The following IWS1 variants were observed in gnomAD, a reference collection of about 807,000 sequenced individuals.
The protein encoded by IWS1 is protein IWS1 homolog.
IWS1 carries 27 observed loss-of-function variants against 86.7 expected under a neutral mutation model. That is an observed-to-expected ratio of 0.31 (90% CI 0.23 to 0.43). IWS1 has a LOEUF of 0.43. Among genes scored for constraint, IWS1 ranks in the 20% least tolerant of loss-of-function variants. IWS1 has a pLI of 1.00. For missense variants in IWS1, 827 were observed against 1,000.8 expected, an observed-to-expected ratio of 0.83 and a Z score of 2.34; for synonymous variants, 313 against 335.1, an observed-to-expected ratio of 0.93 and a Z score of 0.72.
intron 13 of IWS1, among the ~76,000 whole-genome samples, chr2:127,483,571 C>CGGG (rs1419283644): frequency 0.067 from 1,341 of 20,048 alleles, 248 homozygotes; most frequent in East Asian, 0.13. Context: ...ATAATTTGGT[C>CGGG]GGGGCGGGGG....
upstream of IWS1, among the ~76,000 whole-genome samples, chr2:127,527,038 G>A (rs1446161759): frequency 6.6e-6 from 1 of 152,228 alleles, no homozygotes; most frequent in Non-Finnish European, 1.5e-5. Flanking sequence ...TTTGCTTCCA[G>A]AAGGGTTCCC....
At position 127,480,819 on chromosome 2, in the gene IWS1, A is replaced by G. The variant is rs1689587540; in HGVS notation, c.*225T>C. 1 of 400,550 alleles carries G rather than the reference A, an allele frequency of 2.5e-6. No individual in the cohort carries two copies. The highest frequency in any genetic ancestry group is 4.3e-6 in the Non-Finnish European group (1 of 230,860). The allele number at this position is 400,550 out of a possible 1,614,324, so 24.8% of individuals were successfully genotyped here. Reference sequence around the variant, plus strand: ...AAGAGACAGCCCCCCAAAAACCAGAATGAAATTTTATTGTGTAAAGTTTAT... The same window carrying G: ...AAGAGACAGCCCCCCAAAAACCAGAGTGAAATTTTATTGTGTAAAGTTTAT... On this transcript the variant is annotated 3_prime_UTR_variant, in exon 14 of 14. Coordinates refer to ENST00000295321, the MANE Select transcript of IWS1 (RefSeq NM_017969.3).
At chr2:127,506,785 T>C (rs1459261073) in intron 2 of IWS1, 5 of 167,852 alleles carry the variant, frequency 3.0e-5, no homozygotes, top group Non-Finnish European at 5.9e-5. Flanking sequence ...ACACATAATG[T>C]TACTTGAAAT....
In IWS1 at chr2:127,503,462, C is replaced by T. The variant is rs756490013; in HGVS notation, c.1334G>A (p.Gly445Glu). 9.3e-6 allele frequency: 15 copies of T among 1,613,466 alleles called. No individual in the cohort carries two copies. The South Asian group carries it at 1.5e-4, about 17-fold the overall frequency. ...ATTTTTCTTATCAGACAATTCTTTC[C>T]CAGCTTCTTCCTCACTGTCAGATGC... is the stretch of plus-strand genomic sequence containing the variant. ...TIASDSEEEAGKELSDKKNEE... is the reference protein window; with the variant it reads ...TIASDSEEEAEKELSDKKNEE... Residue 445 changes from glycine to glutamate, a missense_variant, in exon 4 of 14, where the codon GGG (glycine) becomes GAG (glutamate). Gly to Glu is a moderately conservative substitution (Grantham distance 98, BLOSUM62 -2). Around this residue, in one of 2 missense-constraint regions of IWS1, gnomAD observed 548 missense variants for 560.2 expected, o/e 0.98. Transcript: ENST00000295321.
chr2:127,487,774 C>T (rs988712392), intron 12 of IWS1, among the ~76,000 whole-genome samples: 1 of 152,052 alleles, frequency 6.6e-6, no homozygotes, highest in South Asian at 2.1e-4. Flanking sequence ...ATGGTCTCAA[C>T]CTCCTGACCT....
chr2:127,500,385 T>C (rs1327430935), intron 5 of IWS1, among the ~76,000 whole-genome samples: 1 of 152,186 alleles, frequency 6.6e-6, no homozygotes, highest in Non-Finnish European at 1.5e-5. Context: ...GTTCTATCAA[T>C]TTTTGATTTT....
At chr2:127,504,318 C>T (rs11677020) in intron 3 of IWS1, among the ~76,000 whole-genome samples, 1 of 151,788 alleles carries the variant, frequency 6.6e-6, no homozygotes, top group Non-Finnish European at 1.5e-5. Flanking sequence ...ATCTAGTGAA[C>T]TAAGTGTCAA....
At chr2:127,502,271 C>G (rs1051699953) in intron 5 of IWS1, among the ~76,000 whole-genome samples, 1 of 152,108 alleles carries the variant, frequency 6.6e-6, no homozygotes, top group East Asian at 1.9e-4. Context: ...CCTCAATAGG[C>G]CCCGAACTCT....
intron 2 of IWS1, among the ~76,000 whole-genome samples, chr2:127,520,367 C>G (rs1366588017): frequency 6.6e-6 from 1 of 152,102 alleles, no homozygotes; most frequent in Non-Finnish European, 1.5e-5. Context: ...CGGGGTTTCA[C>G]CATGTTGGCC....
Position 127,511,043 on chromosome 2 carries a change from C to T in IWS1, c.151-5291G>A, listed in dbSNP as rs983282786. On this transcript the variant is annotated intron_variant, in intron 2 of 13. Transcript: ENST00000295321. The stretch of plus-strand genomic sequence containing the variant: ...CTCCAGTTCCAGCAGAGTGGAACCA[C>T]TAACTTTGCGCCTTTACAAATGCTG... 4.1e-4 allele frequency: 62 copies of T among 152,240 alleles called. 2 individuals carry two copies. The highest frequency in any genetic ancestry group is 4.0e-3 in the Admixed American group (61 of 15,284). 9.4% of individuals were successfully genotyped at this position (152,240 alleles called of 1,614,324 possible). A position where few individuals can be genotyped will look rare whatever the true frequency, so the allele number is the denominator to read the frequency against.
Position 127,505,055 on chromosome 2 carries a change from C to T in IWS1, c.848G>A (p.Arg283Lys), listed in dbSNP as rs779937840. 1 of 1,611,942 alleles carries T rather than the reference C, an allele frequency of 6.2e-7. No individual in the cohort carries two copies. The highest frequency in any genetic ancestry group is 8.5e-7 in the Non-Finnish European group (1 of 1,179,390). The change falls in exon 3 of 14, where the codon AGG (arginine) becomes AAG (lysine). Residue 283 changes from arginine (R) to lysine (K), a missense_variant. Coordinates refer to ENST00000295321, the MANE Select transcript of IWS1 (RefSeq NM_017969.3). The surrounding 1 kb of genome is among the most constrained non-coding windows in gnomAD (Gnocchi z 5.0). ...ATTTTCCGAATCACTGGCCTGGTTCCTTGGGGGATCCTCACTTTCCGAATC... is the reference window on the plus strand; with the variant it reads ...ATTTTCCGAATCACTGGCCTGGTTCTTTGGGGGATCCTCACTTTCCGAATC... ...ISDSESEDPPRNQASDSENEE... is the reference protein window; with the variant it reads ...ISDSESEDPPKNQASDSENEE...
chr2:127,526,297 A>C lies in IWS1; in HGVS notation c.-89T>G. 6.5e-7 allele frequency: 1 copy of C among 1,543,280 alleles called. No individual in the cohort carries two copies. The highest frequency in any genetic ancestry group is 8.7e-7 in the Non-Finnish European group (1 of 1,146,798). On this transcript the variant is annotated 5_prime_UTR_variant, in exon 1 of 14. Transcript: ENST00000295321. ...CGGTGTGACCCCGGATGGCGCGGCT[A>C]AGTGTTCAGAGACTGCCGCCCGACC... is the stretch of plus-strand genomic sequence containing the variant.
intron 6 of IWS1, 112 bp downstream of exon 6, chr2:127,498,028 G>C: frequency 1.3e-6 from 1 of 741,416 alleles, no homozygotes; most frequent in Non-Finnish European, 2.3e-6. Flanking sequence ...AACAGGAATA[G>C]ACCCACTCCT....
In IWS1 at chr2:127,499,750, T is replaced by G. The variant is rs113657864; in HGVS notation, c.1468-1513A>C. Among the ~76,000 whole-genome samples, 3 of 135,524 alleles carry G rather than the reference T, an allele frequency of 2.2e-5. No homozygotes were observed. Among genetic ancestry groups the G allele is most frequent in the African/African-American group, 7.1e-5 (2 of 28,080 alleles). The allele number at this position is 135,524 out of a possible 152,430, so 88.9% of individuals were successfully genotyped here. ...TTGCATTGGTTAAAAATAAGTATTGTTTTTTTTTTGACCCAAGAACTATTT... is the reference window on the plus strand; with the variant it reads ...TTGCATTGGTTAAAAATAAGTATTGGTTTTTTTTTGACCCAAGAACTATTT... On this transcript the variant is annotated intron_variant, in intron 5 of 13. Transcript: ENST00000295321. This position sits in a 1 kb window ranked among gnomAD's most constrained non-coding sequence, Gnocchi z 4.0.
chr2:127,525,318 ACT>A (rs1393671945), intron 1 of IWS1, among the ~76,000 whole-genome samples: 8 of 152,182 alleles, frequency 5.3e-5, no homozygotes, highest in Admixed American at 5.2e-4. Flanking sequence ...ATTAGAATTC[ACT>A]GTCCTACGTA....
chr2:127,496,088 C>G lies in IWS1; in HGVS notation c.1626G>C (p.Lys542Asn). The G allele has an allele frequency of 6.2e-7, 1 of 1,614,044 alleles. No homozygotes were observed. Among genetic ancestry groups the G allele is most frequent in the East Asian group, 2.2e-5 (1 of 44,858 alleles). ...MLQRKKSMSG[K>N]RRRNRDGGTF... ...TGCCACCATCGCGGTTCCGTCTGCG[C>G]TTGCCACTCATGCTCTTTTTTCGCT... Residue 542 changes from lysine to asparagine, a missense_variant, in exon 7 of 14, where the codon AAG (lysine) becomes AAC (asparagine). This residue lies in a region of IWS1 where 279 missense variants were observed against 440.6 expected (regional missense o/e 0.63). Coordinates refer to ENST00000295321, the MANE Select transcript of IWS1 (RefSeq NM_017969.3).
chr2:127,488,797 A>G (rs1018543581), intron 12 of IWS1, among the ~76,000 whole-genome samples: 1 of 152,166 alleles, frequency 6.6e-6, no homozygotes, highest in African/African-American at 2.4e-5. Flanking sequence ...CAACCCCTTC[A>G]GTCTACTTGC....
rs138706801 is a variant in IWS1 at position 127,526,171 on chromosome 2, C to A, written c.34+4G>T. 6.3e-7 allele frequency: 1 copy of A among 1,599,370 alleles called. No individual in the cohort carries two copies. The highest frequency in any genetic ancestry group is 8.5e-7 in the Non-Finnish European group (1 of 1,173,428). On this transcript the variant is annotated splice_donor_region_variant and intron_variant, in intron 1 of 13. Transcript: ENST00000295321. ...CAGCCCGGTCCCCCAGGTCCCTGCC[C>A]CACCTGACTGGTCGCCGCTGTAATA...
intron 13 of IWS1, among the ~76,000 whole-genome samples, chr2:127,484,951 C>T (rs1346710048): frequency 1.3e-5 from 2 of 151,908 alleles, no homozygotes; most frequent in East Asian, 1.9e-4. Flanking sequence ...GAGTGGAGAT[C>T]GCACCACTGC....
Sources: gnomAD v4.1 joint callset for allele counts (sites outside exome capture counted in the v4.1 genomes callset) on GRCh38, gnomAD v4.1.1 for gene constraint, gnomAD v4.1.1 regional missense constraint, Gnocchi (gnomAD v3.1) non-coding constraint, MANE v1.5 for transcripts, NCBI Gene and HGNC (gene_info 2026-07-23, HGNC 2026-07-21) for gene names.